Variants in MEF2C observed in about 807,000 individuals in gnomAD.
MEF2C encodes the protein myocyte enhancer factor 2C.
MEF2C carries 6 observed loss-of-function variants against 50.5 expected under a neutral mutation model. The observed-to-expected ratio is 0.12, with a 90% CI of 0.07 to 0.23. The LOEUF is 0.23. MEF2C is among the 10% of genes least tolerant of loss of function. MEF2C has a pLI of 1.00. For missense variants in MEF2C, 276 were observed against 605.0 expected (o/e 0.46, Z 5.70); for synonymous variants, 183 against 228.0 (o/e 0.80, Z 1.78).
intron 4 of MEF2C, among the ~76,000 whole-genome samples, chr5:88,760,631 T>G (rs543957377): frequency 6.7e-4 from 102 of 152,366 alleles, no homozygotes; most frequent in South Asian, 6.0e-3. Context: ...ATCTATGTAT[T>G]TTATAGCAAT....
At chr5:88,761,411 C>T in intron 3 of MEF2C, 83 bp from the exon 4 acceptor site, 1 of 1,471,502 alleles carries the variant, frequency 6.8e-7, no homozygotes. Flanking sequence ...TCAAGCTGTC[C>T]AGTATTTCAG....
intron 1 of MEF2C, among the ~76,000 whole-genome samples, chr5:88,836,035 TTCTC>T (rs1814973063): frequency 6.6e-6 from 1 of 152,104 alleles, no homozygotes; most frequent in African/African-American, 2.4e-5. Flanking sequence ...ATAGATTTGA[TTCTC>T]TATTCCAAAC....
chr5:88,782,316 A>C, intron 3 of MEF2C: 1 of 286,694 alleles, frequency 3.5e-6, no homozygotes, highest in Non-Finnish European at 5.2e-6. Flanking sequence ...AAATACAAAA[A>C]TTCGTTGGGT....
intron 3 of MEF2C, among the ~76,000 whole-genome samples, chr5:88,803,461 T>C (rs1374422482): frequency 6.6e-6 from 1 of 152,232 alleles, no homozygotes; most frequent in East Asian, 1.9e-4. Flanking sequence ...TACATTTTTT[T>C]ACAATGTGGA....
At chr5:88,798,971 G>C (rs1268043049) in intron 3 of MEF2C, among the ~76,000 whole-genome samples, 1 of 152,196 alleles carries the variant, frequency 6.6e-6, no homozygotes, top group Non-Finnish European at 1.5e-5. Context: ...CACCAGCAGA[G>C]GCTGGAGAAC....
intron 4 of MEF2C, 52 bp downstream of exon 4, chr5:88,761,133 G>A: frequency 1.9e-6 from 3 of 1,613,952 alleles, no homozygotes; most frequent in South Asian, 1.1e-5. Context: ...TGCCTGCCAG[G>A]TTCAGAGAAA....
chr5:88,739,336 CT>C (rs1765467013), intron 6 of MEF2C: 1 of 984,244 alleles, frequency 1.0e-6, no homozygotes, highest in Non-Finnish European at 1.2e-6. Context: ...GTTTTACTCA[CT>C]TTAAAAAAAA....
At chr5:88,827,925 A>AT (rs1476762487) in intron 1 of MEF2C, among the ~76,000 whole-genome samples, 1 of 151,668 alleles carries the variant, frequency 6.6e-6, no homozygotes, top group Non-Finnish European at 1.5e-5. Context: ...AAAAAAAAAA[A>AT]AAAGATATAC....
chr5:88,717,584 C>G lies in MEF2C; in HGVS notation c.*5020G>C, dbSNP rs139610177. ...TTTGAAGCCACATGCAACATTTCCTCGAACTGCATTCTTTTTGGAGCAGAT... is the reference window on the plus strand; with the variant it reads ...TTTGAAGCCACATGCAACATTTCCTGGAACTGCATTCTTTTTGGAGCAGAT... On this transcript the variant is annotated 3_prime_UTR_variant, in exon 11 of 11. Transcript: ENST00000504921. The G allele has an allele frequency of 6.6e-6, 1 of 152,206 alleles. No individual in the cohort carries two copies. Among genetic ancestry groups the G allele is most frequent in the South Asian group, 2.1e-4 (1 of 4,830 alleles). The allele number at this position is 152,206 out of a possible 1,614,324, so 9.4% of individuals were successfully genotyped here. A position where few individuals can be genotyped will look rare whatever the true frequency, so the allele number is the denominator to read the frequency against.
intron 3 of MEF2C, among the ~76,000 whole-genome samples, chr5:88,794,295 T>C (rs576843291): frequency 2.0e-5 from 3 of 152,248 alleles, no homozygotes; most frequent in African/African-American, 7.2e-5. Context: ...TCCACACCCT[T>C]TCCAGCATCT....
intron 3 of MEF2C, among the ~76,000 whole-genome samples, chr5:88,784,742 G>A (rs1198151625): frequency 6.6e-6 from 1 of 152,128 alleles, no homozygotes; most frequent in African/African-American, 2.4e-5. Flanking sequence ...TGTTTAAAAA[G>A]TATTCATGTA....
upstream of MEF2C, among the ~76,000 whole-genome samples, chr5:88,884,006 A>G (rs984020731): frequency 6.6e-6 from 1 of 152,210 alleles, no homozygotes; most frequent in Non-Finnish European, 1.5e-5. Flanking sequence ...CGGTGGGGTA[A>G]TAGCACATGC....
intron 2 of MEF2C, among the ~76,000 whole-genome samples, chr5:88,815,203 A>T (rs1207181189): frequency 1.3e-5 from 2 of 152,126 alleles, no homozygotes; most frequent in African/African-American, 4.8e-5. Context: ...ACCTAAGGGA[A>T]AGGTCAAAGG....
intron 3 of MEF2C, among the ~76,000 whole-genome samples, chr5:88,765,320 T>C (rs1433591006): frequency 6.6e-6 from 1 of 152,244 alleles, no homozygotes; most frequent in Admixed American, 6.5e-5. Context: ...TATCCTCAGC[T>C]GAGTGCTTGT....
intron 2 of MEF2C, among the ~76,000 whole-genome samples, chr5:88,819,614 C>G (rs1194687445): frequency 6.6e-6 from 1 of 151,916 alleles, no homozygotes; most frequent in Non-Finnish European, 1.5e-5. Context: ...TTTCTCCAAC[C>G]CTGATGTAAA....
chr5:88,773,450 A>T (rs1337260460), intron 3 of MEF2C, among the ~76,000 whole-genome samples: 2 of 152,214 alleles, frequency 1.3e-5, no homozygotes, highest in African/African-American at 4.8e-5. Context: ...AATAGAATTA[A>T]TGTCTCTTTT....
intron 3 of MEF2C, among the ~76,000 whole-genome samples, chr5:88,777,540 G>A (rs1019024450): frequency 2.6e-5 from 4 of 152,176 alleles, no homozygotes; most frequent in African/African-American, 9.7e-5. Flanking sequence ...ATTATTCTGC[G>A]TCTGCAAGGT....
intron 1 of MEF2C, among the ~76,000 whole-genome samples, chr5:88,836,669 C>G (rs1286490159): frequency 6.6e-6 from 1 of 152,158 alleles, no homozygotes; most frequent in Non-Finnish European, 1.5e-5. Context: ...AGGCCGAAGG[C>G]CTAGCAGGAG....
chr5:88,763,544 A>T (rs1161967229), intron 3 of MEF2C, among the ~76,000 whole-genome samples: 2 of 152,108 alleles, frequency 1.3e-5, no homozygotes, highest in Non-Finnish European at 2.9e-5. Flanking sequence ...TATATTCCAC[A>T]TATTTTTCAT....
Sources: allele counts gnomAD v4.1 joint callset (sites outside exome capture counted in the v4.1 genomes callset), GRCh38; gene constraint gnomAD v4.1.1; transcripts MANE v1.5; gene names NCBI Gene and HGNC (gene_info 2026-07-23, HGNC 2026-07-21).